CNGB3: variants seen among roughly 807,000 people sequenced by gnomAD.
CNGB3 encodes the protein cyclic nucleotide gated channel subunit beta 3, also known as cyclic nucleotide-gated channel beta-3.
Under a neutral mutation model 92.8 loss-of-function variants are expected in CNGB3, and 86 were observed. The observed-to-expected ratio is 0.93, with a 90% CI of 0.78 to 1.11. CNGB3 has a LOEUF of 1.11. Ranked by LOEUF, CNGB3 falls within the 50% of genes least tolerant of loss-of-function variation. The pLI is 0.00. For missense variants in CNGB3, 1,026 were observed against 956.8 expected (o/e 1.07, Z -0.95); for synonymous variants, 333 against 332.7 (o/e 1.00, Z -0.01).
At position 86,576,063 on chromosome 8, in the gene CNGB3, T is replaced by G; in HGVS notation, c.2171A>C (p.Glu724Ala). The change falls in exon 18 of 18, where the codon GAA (glutamate) becomes GCA (alanine). Residue 724 changes from glutamate to alanine, a missense_variant. Physicochemically the swap from Glu to Ala is moderately radical, Grantham distance 107. Coordinates refer to ENST00000320005, the MANE Select transcript of CNGB3 (RefSeq NM_019098.5). Reference sequence around the variant, plus strand: ...ATCTTCATTTTCTTTTTGTTTATCTTCATTTTCTTTTTGTTTATCTTCATT... The same window carrying G: ...ATCTTCATTTTCTTTTTGTTTATCTGCATTTTCTTTTTGTTTATCTTCATT... ...KENEDKQKEN[E>A]DKQKENEDKG... The G allele has an allele frequency of 1.2e-6, 2 of 1,603,620 alleles. No individual in the cohort carries two copies. Among genetic ancestry groups the G allele is most frequent in the South Asian group, 1.1e-5 (1 of 88,862 alleles).
At chr8:86,697,035 C>T (rs1357049373) in intron 3 of CNGB3, among the ~76,000 whole-genome samples, 1 of 139,206 alleles carries the variant, frequency 7.2e-6, no homozygotes, top group African/African-American at 2.8e-5. Context: ...TAAAAAGAGA[C>T]AGGAAGGAAG....
chr8:86,667,211 G>T, intron 5 of CNGB3, 78 bp from the exon 6 acceptor site: 2 of 1,240,686 alleles, frequency 1.6e-6, no homozygotes, highest in Non-Finnish European at 2.3e-6. Flanking sequence ...GTTTGGGGAG[G>T]TTGGGGCACT....
At chr8:86,677,548 T>TA (rs916640198) in intron 3 of CNGB3, among the ~76,000 whole-genome samples, 2 of 152,110 alleles carry the variant, frequency 1.3e-5, no homozygotes, top group African/African-American at 4.8e-5. Flanking sequence ...AGATTACCAG[T>TA]AAAAGCCTGC....
intron 3 of CNGB3, among the ~76,000 whole-genome samples, chr8:86,701,823 A>T (rs1168305338): frequency 6.6e-6 from 1 of 152,174 alleles, no homozygotes; most frequent in South Asian, 2.1e-4. Flanking sequence ...ACCATTTAAG[A>T]CCTTAAAAAT....
At chr8:86,639,522 T>C (rs1823139602) in intron 10 of CNGB3, among the ~76,000 whole-genome samples, 1 of 152,104 alleles carries the variant, frequency 6.6e-6, no homozygotes, top group Non-Finnish European at 1.5e-5. Flanking sequence ...CACAGTCTGC[T>C]GCCTAATTCT....
intron 15 of CNGB3, among the ~76,000 whole-genome samples, chr8:86,601,550 T>C (rs1822299333): frequency 6.6e-6 from 1 of 152,158 alleles, no homozygotes. Context: ...AAAAGAACTC[T>C]TTTAAAGGCT....
At chr8:86,703,048 A>T (rs10106148) in intron 3 of CNGB3, among the ~76,000 whole-genome samples, 1 of 152,040 alleles carries the variant, frequency 6.6e-6, no homozygotes, top group African/African-American at 2.4e-5. Flanking sequence ...ATAAGGAGCT[A>T]AATACAATTT....
intron 13 of CNGB3, among the ~76,000 whole-genome samples, chr8:86,613,628 T>C (rs1311223424): frequency 6.6e-6 from 1 of 152,110 alleles, no homozygotes; most frequent in Non-Finnish European, 1.5e-5. Flanking sequence ...TTGTAAATGA[T>C]CAGAAATAGA....
intron 15 of CNGB3, among the ~76,000 whole-genome samples, chr8:86,585,949 A>G (rs1396956344): frequency 6.6e-6 from 1 of 152,214 alleles, no homozygotes; most frequent in Admixed American, 6.5e-5. Context: ...GATCAATGGT[A>G]TACATTTAGA....
chr8:86,732,395 C>T (rs1825171719), intron 2 of CNGB3, among the ~76,000 whole-genome samples: 1 of 152,150 alleles, frequency 6.6e-6, no homozygotes, highest in Non-Finnish European at 1.5e-5. Context: ...CTAAGTCAGT[C>T]AGACTACTCC....
intron 15 of CNGB3, among the ~76,000 whole-genome samples, chr8:86,580,716 C>T (rs556219497): frequency 2.4e-4 from 36 of 152,244 alleles, no homozygotes; most frequent in South Asian, 8.3e-4. Flanking sequence ...CTGTCGTTAC[C>T]GGTGATCTGA....
chr8:86,717,380 A>G (rs1824875184), intron 3 of CNGB3, among the ~76,000 whole-genome samples: 1 of 151,932 alleles, frequency 6.6e-6, no homozygotes, highest in African/African-American at 2.4e-5. Flanking sequence ...TGGCCAATAT[A>G]GTGAAACATC....
At chr8:86,651,496 A>G (rs1246208855) in intron 7 of CNGB3, among the ~76,000 whole-genome samples, 1 of 151,900 alleles carries the variant, frequency 6.6e-6, no homozygotes, top group Non-Finnish European at 1.5e-5. Flanking sequence ...TAACAAGTTA[A>G]GTGTACAGAA....
chr8:86,731,157 A>G (rs933778471), intron 2 of CNGB3, among the ~76,000 whole-genome samples: 1 of 152,226 alleles, frequency 6.6e-6, no homozygotes, highest in African/African-American at 2.4e-5. Flanking sequence ...TTACCAATGA[A>G]TTAACAAAAC....
chr8:86,729,994 T>G (rs1934477093), intron 2 of CNGB3, among the ~76,000 whole-genome samples: 2 of 152,218 alleles, frequency 1.3e-5, no homozygotes, highest in South Asian at 4.1e-4. Flanking sequence ...CCCTGGAATG[T>G]GTACCTGTGG....
chr8:86,689,055 G>A (rs1317948744), intron 3 of CNGB3, among the ~76,000 whole-genome samples: 3 of 151,240 alleles, frequency 2.0e-5, no homozygotes, highest in African/African-American at 7.3e-5. Context: ...GGTCATTCAG[G>A]AGCATTTTGT....
intron 3 of CNGB3, among the ~76,000 whole-genome samples, chr8:86,707,165 C>A (rs1045033222): frequency 6.6e-6 from 1 of 152,112 alleles, no homozygotes; most frequent in Non-Finnish European, 1.5e-5. Flanking sequence ...AACATTCATT[C>A]AGAATTTATT....
chr8:86,636,430 G>A (rs1410651735), intron 10 of CNGB3, among the ~76,000 whole-genome samples: 1 of 151,594 alleles, frequency 6.6e-6, no homozygotes, highest in Admixed American at 6.6e-5. Context: ...AAAGTAGCCG[G>A]GTATGGTGGT....
In CNGB3 at chr8:86,575,774, G is replaced by T; in HGVS notation, c.*30C>A. ...CTAGGTACAATCACTTTGGGAACTA[G>T]CTATATCACATCTAAAGATAATCAA... On this transcript the variant is annotated 3_prime_UTR_variant, in exon 18 of 18. Transcript: ENST00000320005. 6.3e-7 allele frequency: 1 copy of T among 1,577,948 alleles called. No individual in the cohort carries two copies. The highest frequency in any genetic ancestry group is 8.7e-7 in the Non-Finnish European group (1 of 1,147,592).
Sources: gnomAD v4.1 joint callset for allele counts (sites outside exome capture counted in the v4.1 genomes callset) on GRCh38, gnomAD v4.1.1 for gene constraint, MANE v1.5 for transcripts, NCBI Gene and HGNC (gene_info 2026-07-23, HGNC 2026-07-21) for gene names.